Variants in PPFIBP1 observed in about 807,000 individuals in gnomAD.
The protein encoded by PPFIBP1 is liprin-beta-1.
In PPFIBP1, 112 loss-of-function variants were observed where a neutral mutation model predicts 137.8. The observed-to-expected ratio is 0.81, with a 90% CI of 0.70 to 0.95. The LOEUF is 0.95. Among genes scored for constraint, PPFIBP1 ranks in the 40% least tolerant of loss-of-function variants. The pLI is 0.00. For synonymous variants in PPFIBP1, 378 were observed against 417.3 expected, an observed-to-expected ratio of 0.91 and a Z score of 1.15; for missense variants, 1,083 against 1,196.6, an observed-to-expected ratio of 0.91 and a Z score of 1.40.
chr12:27,529,413 G>C (rs1220283945), intron 1 of PPFIBP1, among the ~76,000 whole-genome samples: 1 of 152,132 alleles, frequency 6.6e-6, no homozygotes, highest in African/African-American at 2.4e-5. Flanking sequence ...AAGTGGCCAG[G>C]CTGGACGCGA....
intron 1 of PPFIBP1, among the ~76,000 whole-genome samples, chr12:27,558,853 AT>A (rs928358280): frequency 2.6e-5 from 4 of 151,632 alleles, no homozygotes; most frequent in Non-Finnish European, 4.4e-5. Context: ...TATAACAGTG[AT>A]TTTTTTTCTT....
chr12:27,583,803 G>A (rs560048607), intron 2 of PPFIBP1, among the ~76,000 whole-genome samples: 2 of 152,236 alleles, frequency 1.3e-5, no homozygotes, highest in Admixed American at 6.5e-5. Flanking sequence ...TAATTCAAGG[G>A]GGACAGAAAA....
At position 27,682,434 on chromosome 12, in the gene PPFIBP1, A is replaced by G. The variant is rs778185242; in HGVS notation, c.2094A>G (p.Ala698=). The change falls in exon 23 of 30, where the codon GCA becomes GCG. Residue 698 remains alanine, a synonymous_variant. Coordinates refer to ENST00000228425, the MANE Select transcript of PPFIBP1 (RefSeq NM_003622.4). ...HSLHRKKLQL[A]LQALGSEEET... is the part of the protein sequence containing the mutation. Reference sequence around the variant, plus strand: ...TTCATCGAAAGAAACTCCAGCTAGCACTCCAAGCCCTGGGATCTGAAGAAG... The same window carrying G: ...TTCATCGAAAGAAACTCCAGCTAGCGCTCCAAGCCCTGGGATCTGAAGAAG... 1.2e-6 allele frequency: 2 copies of G among 1,613,968 alleles called. No individual in the cohort carries two copies. Among genetic ancestry groups the G allele is most frequent in the Non-Finnish European group, 1.7e-6 (2 of 1,179,968 alleles).
At chr12:27,591,560 T>C (rs1354076796) in intron 2 of PPFIBP1, among the ~76,000 whole-genome samples, 1 of 152,202 alleles carries the variant, frequency 6.6e-6, no homozygotes, top group African/African-American at 2.4e-5. Flanking sequence ...TAATTAACTC[T>C]CACTCTTGGA....
intron 25 of PPFIBP1, 91 bp downstream of exon 25, chr12:27,687,598 C>A: frequency 7.0e-7 from 1 of 1,429,890 alleles, no homozygotes; most frequent in Non-Finnish European, 9.4e-7. Flanking sequence ...TTCTTGGAGC[C>A]TGCAGGAAAA....
chr12:27,574,324 G>A (rs1030505453), intron 1 of PPFIBP1, among the ~76,000 whole-genome samples: 3 of 152,104 alleles, frequency 2.0e-5, no homozygotes, highest in East Asian at 1.9e-4. Context: ...GAAACTTGGT[G>A]GGGGGTAAGA....
chr12:27,528,849 A>G (rs527437210), intron 1 of PPFIBP1, among the ~76,000 whole-genome samples: 5 of 152,244 alleles, frequency 3.3e-5, no homozygotes, highest in South Asian at 2.1e-4. Context: ...GAGAGTGTCT[A>G]TTTCTGAAAG....
chr12:27,675,169 T>C (rs1012767463), intron 17 of PPFIBP1, among the ~76,000 whole-genome samples: 6 of 152,100 alleles, frequency 3.9e-5, no homozygotes, highest in African/African-American at 1.4e-4. Context: ...TCATTAACCT[T>C]GTGAAGATTA....
chr12:27,541,008 G>A (rs749672403), intron 1 of PPFIBP1, among the ~76,000 whole-genome samples: 2 of 152,070 alleles, frequency 1.3e-5, no homozygotes, highest in Non-Finnish European at 1.5e-5. Flanking sequence ...GTGATATGGA[G>A]GTTTAAAATA....
chr12:27,681,669 G>A lies in PPFIBP1; in HGVS notation c.2019G>A (p.Leu673=), dbSNP rs113931583. The A allele has an allele frequency of 6.2e-7, 1 of 1,614,138 alleles. No individual in the cohort carries two copies. The highest frequency in any genetic ancestry group is 1.3e-5 in the African/African-American group (1 of 75,054). The stretch of plus-strand genomic sequence containing the variant: ...GGATTGCATCTGGCCAAACGCTTTT[G>A]CAGGCTTCTCAACAAGATCTAGAGA... ...KHWIASGQTL[L]QASQQDLEKE... Residue 673 remains leucine (L), a synonymous_variant, in exon 22 of 30, where the codon TTG becomes TTA. Transcript: ENST00000228425.
intron 1 of PPFIBP1, among the ~76,000 whole-genome samples, chr12:27,577,166 C>T (rs1286863355): frequency 6.6e-6 from 1 of 151,884 alleles, no homozygotes; most frequent in African/African-American, 2.4e-5. Flanking sequence ...AATGCCATAG[C>T]CAGTAATGCA....
intron 2 of PPFIBP1, among the ~76,000 whole-genome samples, chr12:27,607,262 G>C (rs2054611400): frequency 6.6e-6 from 1 of 152,220 alleles, no homozygotes; most frequent in African/African-American, 2.4e-5. Context: ...CTCAGAGCCA[G>C]GGGCCAATGC....
intron 9 of PPFIBP1, 25 bp from the exon 10 acceptor site, chr12:27,658,791 C>T: frequency 6.2e-7 from 1 of 1,604,136 alleles, no homozygotes. Flanking sequence ...TGCTAACTTC[C>T]AATCCAATGG....
chr12:27,672,320 T>C (rs186900805), intron 14 of PPFIBP1, 107 bp from the exon 15 acceptor site: 2 of 819,980 alleles, frequency 2.4e-6, no homozygotes, highest in African/African-American at 3.5e-5. Flanking sequence ...AAAATAGAAA[T>C]AGCTTCCTTT....
At chr12:27,602,179 T>C (rs1202328904) in intron 2 of PPFIBP1, among the ~76,000 whole-genome samples, 3 of 152,172 alleles carry the variant, frequency 2.0e-5, no homozygotes, top group Non-Finnish European at 4.4e-5. Context: ...GGGCTAACTT[T>C]CTTGACAGCA....
At chr12:27,676,747 C>A in intron 18 of PPFIBP1, 148 bp downstream of exon 18, 1 of 797,140 alleles carries the variant, frequency 1.3e-6, no homozygotes. Context: ...GCAAAAAATG[C>A]CTCCGTGGAT....
chr12:27,534,693 G>A (rs1390368125), intron 1 of PPFIBP1, among the ~76,000 whole-genome samples: 2 of 152,188 alleles, frequency 1.3e-5, no homozygotes, highest in Non-Finnish European at 2.9e-5. Context: ...AGTGGTGAGA[G>A]ACAACTGGTT....
chr12:27,667,731 A>C (rs1252413948), intron 13 of PPFIBP1, among the ~76,000 whole-genome samples: 1 of 152,112 alleles, frequency 6.6e-6, no homozygotes, highest in African/African-American at 2.4e-5. Context: ...CATCAGCTGG[A>C]GTGGCGTGAA....
intron 4 of PPFIBP1, among the ~76,000 whole-genome samples, chr12:27,645,457 T>TG (rs1264517622): frequency 1.3e-5 from 2 of 151,808 alleles, no homozygotes; most frequent in Non-Finnish European, 2.9e-5. Context: ...TAAAAAAGTG[T>TG]GGGGGGCAGG....
Sources: allele counts gnomAD v4.1 joint callset (sites outside exome capture counted in the v4.1 genomes callset), GRCh38; gene constraint gnomAD v4.1.1; transcripts MANE v1.5; gene names NCBI Gene and HGNC (gene_info 2026-07-23, HGNC 2026-07-21).